CSPP1: variants seen among roughly 807,000 people sequenced by gnomAD.
The protein encoded by CSPP1 is centrosome and spindle pole associated protein 1.
In CSPP1, 126 loss-of-function variants were observed where a neutral mutation model predicts 164.4. That is an observed-to-expected ratio of 0.77 (90% CI 0.66 to 0.89). CSPP1 has a LOEUF of 0.89. CSPP1 is among the 40% of genes least tolerant of loss of function. The probability of loss-of-function intolerance (pLI) is 0.00; values close to 1 mark genes in which losing one functional copy is unlikely to be tolerated. For missense variants in CSPP1, 1,395 were observed against 1,449.8 expected, an observed-to-expected ratio of 0.96 and a Z score of 0.61; for synonymous variants, 472 against 476.7, an observed-to-expected ratio of 0.99 and a Z score of 0.13.
intron 15 of CSPP1, among the ~76,000 whole-genome samples, chr8:67,121,428 C>G (rs1024653040): frequency 1.3e-5 from 2 of 151,764 alleles, no homozygotes; most frequent in Non-Finnish European, 2.9e-5. Flanking sequence ...TTGTGATGAT[C>G]ATGTTTTTTT....
intron 12 of CSPP1, among the ~76,000 whole-genome samples, chr8:67,115,532 C>T (rs1353950577): frequency 4.6e-5 from 7 of 152,086 alleles, no homozygotes; most frequent in East Asian, 3.9e-4. Context: ...ATTAGCTGTG[C>T]GTGGTGGCAG....
At chr8:67,183,682 T>A (rs192780378) in intron 28 of CSPP1, among the ~76,000 whole-genome samples, 11 of 152,280 alleles carry the variant, frequency 7.2e-5, no homozygotes, top group African/African-American at 2.2e-4. Flanking sequence ...TCCTAATGTA[T>A]GCATTCAGTT....
chr8:67,165,153 A>G lies in CSPP1; in HGVS notation c.2828+645A>G, dbSNP rs552273297. ...CAAAAAATTAACTGGGTGTGGTGGC[A>G]CGCCCCTGTGGTCCCAGCTACTCAG... On this transcript the variant is annotated intron_variant, in intron 24 of 30. Coordinates refer to ENST00000678616, the MANE Select transcript of CSPP1 (RefSeq NM_001382391.1). 3.9e-5 allele frequency among the ~76,000 whole-genome samples: 6 copies of G among 152,174 alleles called. No homozygotes were observed. In the South Asian group the frequency reaches 1.2e-3, roughly 32 times the overall value.
chr8:67,193,647 CT>C (rs1463596610), intron 30 of CSPP1, 45 bp downstream of exon 30: 1 of 1,540,750 alleles, frequency 6.5e-7, no homozygotes, highest in East Asian at 2.3e-5. Context: ...CCTGTATGAA[CT>C]TTTAAACTTT....
chr8:67,068,687 A>T (rs1050264814), intron 1 of CSPP1, among the ~76,000 whole-genome samples: 1 of 152,224 alleles, frequency 6.6e-6, no homozygotes, highest in Non-Finnish European at 1.5e-5. Flanking sequence ...AGTGGCCGTG[A>T]TATCTAGAAA....
At chr8:67,120,788 A>T (rs951068122) in intron 15 of CSPP1, among the ~76,000 whole-genome samples, 19 of 152,180 alleles carry the variant, frequency 1.2e-4, no homozygotes, top group Middle Eastern at 6.8e-3. Context: ...ATAAGATGAT[A>T]ACATCTGTGA....
At chr8:67,107,983 GTTT>G (rs34204898) in intron 9 of CSPP1, among the ~76,000 whole-genome samples, 1 of 127,160 alleles carries the variant, frequency 7.9e-6, no homozygotes, top group Non-Finnish European at 1.6e-5. Context: ...CTTTGACAAA[GTTT>G]TTTTTTTTTT....
chr8:67,120,091 A>G (rs1818688601), intron 15 of CSPP1, among the ~76,000 whole-genome samples: 1 of 152,136 alleles, frequency 6.6e-6, no homozygotes, highest in African/African-American at 2.4e-5. Flanking sequence ...GTATGTGGAT[A>G]TTCAGTTTTC....
At chr8:67,168,453 T>G (rs1829899918) in intron 24 of CSPP1, among the ~76,000 whole-genome samples, 1 of 152,178 alleles carries the variant, frequency 6.6e-6, no homozygotes, top group Admixed American at 6.5e-5. Context: ...AGCGCCTCAA[T>G]TTTCTCGCTT....
In CSPP1 at chr8:67,093,580, A is replaced by G. The variant is rs775754786; in HGVS notation, c.422A>G (p.Gln141Arg). ...LKLERNKEYN[Q>R]FLRGKEESSE... ...CTTGAACGTAACAAAGAATACAATC[A>G]GTTTCTCAGGGGTAAGGAAGAATCC... The change falls in exon 6 of 31, where the codon CAG (glutamine) becomes CGG (arginine). Residue 141 changes from glutamine (Q) to arginine (R), a missense_variant. By Grantham distance (43) the Gln-to-Arg change is conservative. Coordinates refer to ENST00000678616, the MANE Select transcript of CSPP1 (RefSeq NM_001382391.1). The G allele has an allele frequency of 4.2e-5, 67 of 1,611,992 alleles. No homozygotes were observed. Among genetic ancestry groups the G allele is most frequent in the African/African-American group, 9.3e-5 (7 of 74,888 alleles).
chr8:67,191,727 G>A (rs1204748831), intron 29 of CSPP1, among the ~76,000 whole-genome samples: 1 of 152,178 alleles, frequency 6.6e-6, no homozygotes. Flanking sequence ...TAATGTTCAT[G>A]TAGAAGTTTC....
intron 24 of CSPP1, among the ~76,000 whole-genome samples, chr8:67,165,002 G>A (rs1486314111): frequency 6.6e-6 from 1 of 152,156 alleles, no homozygotes; most frequent in Non-Finnish European, 1.5e-5. Flanking sequence ...AAAAGTTGCA[G>A]GCTGGGTGCA....
Position 67,132,047 on chromosome 8 carries a change from A to T in CSPP1, c.1794A>T (p.Ser598=). ...ATAAACCGAAACCTTCCAAACAGTCACTTCAGTCTTACCAAGAGGCTTTGC... is the reference window on the plus strand; with the variant it reads ...ATAAACCGAAACCTTCCAAACAGTCTCTTCAGTCTTACCAAGAGGCTTTGC... ...FEDKPKPSKQ[S]LQSYQEALQQ... Residue 598 remains serine (S), a synonymous_variant, in exon 16 of 31, where the codon TCA becomes TCT. Transcript: ENST00000678616. 6.2e-7 allele frequency: 1 copy of T among 1,613,740 alleles called. No homozygotes were observed. Among genetic ancestry groups the T allele is most frequent in the Non-Finnish European group, 8.5e-7 (1 of 1,179,828 alleles).
chr8:67,151,809 G>A (rs1037825681), intron 18 of CSPP1, among the ~76,000 whole-genome samples: 6 of 151,854 alleles, frequency 4.0e-5, no homozygotes, highest in Admixed American at 3.9e-4. Context: ...GAATTAATTG[G>A]CTGGGTGCAG....
At chr8:67,069,103 G>A (rs1806180583) in intron 1 of CSPP1, 1 of 152,104 alleles carries the variant, frequency 6.6e-6, no homozygotes. Context: ...CTCTTACCAC[G>A]ATACCACAGG....
At chr8:67,142,177 T>A (rs1208778077) in intron 17 of CSPP1, among the ~76,000 whole-genome samples, 1 of 152,226 alleles carries the variant, frequency 6.6e-6, no homozygotes. Flanking sequence ...CTCAGTTCTT[T>A]ATTTATTAAA....
chr8:67,157,192 A>G (rs944715069), intron 19 of CSPP1, among the ~76,000 whole-genome samples: 1 of 152,234 alleles, frequency 6.6e-6, no homozygotes, highest in Non-Finnish European at 1.5e-5. Context: ...ATTGCTAACT[A>G]AAAGTACTAA....
At chr8:67,155,478 C>T (rs545420938) in intron 19 of CSPP1, among the ~76,000 whole-genome samples, 7 of 152,238 alleles carry the variant, frequency 4.6e-5, no homozygotes, top group South Asian at 4.1e-4. Context: ...AAGGCAGTGA[C>T]GTAATGGATA....
In CSPP1 at chr8:67,103,062, A is replaced by G. The variant is rs767672587; in HGVS notation, c.949A>G (p.Met317Val). The change falls in exon 8 of 31, where the codon ATG (methionine) becomes GTG (valine). Residue 317 changes from methionine to valine, a missense_variant. By Grantham distance (21) the Met-to-Val change is conservative. Transcript: ENST00000678616. The stretch of plus-strand genomic sequence containing the variant: ...GATGCACAGGAACAAACGAGGGAAT[A>G]TGCCTCCTATGGAACATGATGGGGA... ...DRMHRNKRGN[M>V]PPMEHDGDVI... 1.2e-6 allele frequency: 2 copies of G among 1,610,820 alleles called. No homozygotes were observed. Among genetic ancestry groups the G allele is most frequent in the South Asian group, 1.1e-5 (1 of 90,998 alleles).
Sources: gnomAD v4.1 joint callset for allele counts (sites outside exome capture counted in the v4.1 genomes callset) on GRCh38, gnomAD v4.1.1 for gene constraint, MANE v1.5 for transcripts, NCBI Gene and HGNC (gene_info 2026-07-23, HGNC 2026-07-21) for gene names.